SAMMSON: variants seen among roughly 807,000 people sequenced by gnomAD.
The protein encoded by SAMMSON is long intergenic non-protein coding RNA 1212.
chr3:70,257,480 G>C (rs988590290), intron 6 of SAMMSON, among the ~76,000 whole-genome samples: 3 of 152,058 alleles, frequency 2.0e-5, no homozygotes, highest in African/African-American at 7.2e-5. Flanking sequence ...ACAAAGAGAG[G>C]AAGGGAGGAA....
intron 3 of SAMMSON, among the ~76,000 whole-genome samples, chr3:70,046,514 C>T (rs1044236603): frequency 6.6e-6 from 1 of 152,038 alleles, no homozygotes; most frequent in Non-Finnish European, 1.5e-5. Context: ...TCATTTTATT[C>T]TTGTACTTTC....
At chr3:70,344,529 A>G in intron 7 of SAMMSON, among the ~76,000 whole-genome samples, 1 of 152,194 alleles carries the variant, frequency 6.6e-6, no homozygotes, top group Non-Finnish European at 1.5e-5. Context: ...CTTCCTGGAC[A>G]CCAGACAAGG....
chr3:70,398,618 A>G (rs1701112285), intron 2 of SAMMSON, among the ~76,000 whole-genome samples: 2 of 152,208 alleles, frequency 1.3e-5, no homozygotes, highest in Non-Finnish European at 2.9e-5. Context: ...TTCATTATAA[A>G]ATAGCTTTTA....
intron 9 of SAMMSON, among the ~76,000 whole-genome samples, chr3:70,368,113 A>C (rs1158772119): frequency 1.3e-5 from 2 of 151,386 alleles, no homozygotes; most frequent in Non-Finnish European, 3.0e-5. Context: ...TTTAATTTTA[A>C]TAATAGTAAG....
intron 7 of SAMMSON, among the ~76,000 whole-genome samples, chr3:70,306,035 C>A (rs944305957): frequency 6.6e-6 from 1 of 152,102 alleles, no homozygotes; most frequent in African/African-American, 2.4e-5. Flanking sequence ...GATGATGTAA[C>A]TTTTCTATGT....
chr3:70,075,766 A>G (rs1184843943), intron 4 of SAMMSON, among the ~76,000 whole-genome samples: 3 of 152,104 alleles, frequency 2.0e-5, no homozygotes, highest in Admixed American at 6.6e-5. Flanking sequence ...ATAGCGCAGT[A>G]TAGTGGATTA....
At chr3:70,379,374 G>T (rs1233321285) in intron 9 of SAMMSON, among the ~76,000 whole-genome samples, 1 of 152,188 alleles carries the variant, frequency 6.6e-6, no homozygotes, top group Admixed American at 6.5e-5. Flanking sequence ...TGTTTGGGGA[G>T]AAGACTCTGA....
intron 4 of SAMMSON, among the ~76,000 whole-genome samples, chr3:70,165,004 C>T (rs6549285): frequency 0.93 from 141,945 of 152,062 alleles, 66,511 homozygotes; most frequent in Non-Finnish European, 0.97. Flanking sequence ...AAGATATGTA[C>T]AGATAGATTT....
chr3:70,030,890 A>G (rs2067063252), intron 3 of SAMMSON, among the ~76,000 whole-genome samples: 1 of 152,204 alleles, frequency 6.6e-6, no homozygotes, highest in Non-Finnish European at 1.5e-5. Flanking sequence ...TTTAAAAAAG[A>G]AAATAACAAT....
intron 6 of SAMMSON, among the ~76,000 whole-genome samples, chr3:70,258,689 A>T (rs1299222326): frequency 6.6e-6 from 1 of 152,156 alleles, no homozygotes; most frequent in Non-Finnish European, 1.5e-5. Flanking sequence ...TCAAAGCTTT[A>T]TGTATAAGAA....
chr3:70,408,045 C>T (rs1364743818), intron 2 of SAMMSON, among the ~76,000 whole-genome samples: 1 of 152,234 alleles, frequency 6.6e-6, no homozygotes, highest in African/African-American at 2.4e-5. Flanking sequence ...GAGGCTTGCA[C>T]CCTCTGAAGC....
intron 4 of SAMMSON, among the ~76,000 whole-genome samples, chr3:70,189,227 G>A (rs111367724): frequency 0.025 from 3,847 of 151,738 alleles, 76 homozygotes; most frequent in Non-Finnish European, 0.034. Flanking sequence ...ATTTTTTTTT[G>A]CATAGATGGT....
chr3:70,041,632 AT>A (rs143344686), intron 3 of SAMMSON, among the ~76,000 whole-genome samples: 2,017 of 152,260 alleles, frequency 0.013, 42 homozygotes, highest in African/African-American at 0.046. Context: ...TTTGAAAAAA[AT>A]ACCAATAAAA....
intron 6 of SAMMSON, among the ~76,000 whole-genome samples, chr3:70,267,669 G>T (rs1355258767): frequency 6.7e-6 from 1 of 150,350 alleles, no homozygotes; most frequent in Non-Finnish European, 1.5e-5. Flanking sequence ...GCCTGCCTCG[G>T]CCTCCCAGAG....
intron 4 of SAMMSON, among the ~76,000 whole-genome samples, chr3:70,209,561 G>A (rs970569905): frequency 2.0e-5 from 3 of 152,098 alleles, no homozygotes; most frequent in African/African-American, 7.2e-5. Context: ...GGTAACCAAG[G>A]CTTACAGAGT....
intron 7 of SAMMSON, among the ~76,000 whole-genome samples, chr3:70,292,391 C>A (rs1702247234): frequency 6.6e-6 from 1 of 152,108 alleles, no homozygotes. Context: ...TCCACTATGC[C>A]TGACACATAG....
At chr3:70,001,984 T>G (rs2066907603) in intron 1 of SAMMSON, among the ~76,000 whole-genome samples, 1 of 152,204 alleles carries the variant, frequency 6.6e-6, no homozygotes, top group African/African-American at 2.4e-5. Flanking sequence ...TTCTGTTGCT[T>G]GTAAACAAAG....
At chr3:70,099,468 T>C (rs1201993720) in intron 4 of SAMMSON, among the ~76,000 whole-genome samples, 15 of 152,328 alleles carry the variant, frequency 9.8e-5, no homozygotes, top group East Asian at 3.9e-4. Context: ...CAGCTAAATA[T>C]CTTCTAAAAT....
chr3:70,290,386 A>C (rs7622664), intron 6 of SAMMSON, among the ~76,000 whole-genome samples: 9,018 of 152,276 alleles, frequency 0.059, 655 homozygotes, highest in East Asian at 0.37. Flanking sequence ...GCCAGGGGTC[A>C]GGGACCCACT....
Sources: allele counts gnomAD v4.1 joint callset (sites outside exome capture counted in the v4.1 genomes callset), GRCh38; gene constraint gnomAD v4.1.1; transcripts MANE v1.5; gene names NCBI Gene and HGNC (gene_info 2026-07-23, HGNC 2026-07-21).